Variants in LGALS8 observed in about 807,000 individuals in gnomAD.
LGALS8 encodes the protein galectin-8.
In LGALS8, 30 loss-of-function variants were observed where a neutral mutation model predicts 35.9. The observed-to-expected ratio is 0.83, with a 90% CI of 0.62 to 1.13. The LOEUF (loss-of-function observed/expected upper bound fraction) is 1.13. Among genes scored for constraint, LGALS8 ranks in the 50% most tolerant of loss-of-function variants. LGALS8 has a pLI of 0.00. For missense variants in LGALS8, 366 were observed against 388.7 expected, an observed-to-expected ratio of 0.94 and a Z score of 0.49; for synonymous variants, 138 against 136.1, an observed-to-expected ratio of 1.01 and a Z score of -0.10.
In LGALS8 at chr1:236,550,807, A is replaced by G. The variant is rs576171870; in HGVS notation, c.*2646A>G. 12 of 888,636 alleles carry G rather than the reference A, an allele frequency of 1.4e-5. No individual in the cohort carries two copies. The highest frequency in any genetic ancestry group is 1.9e-5 in the Non-Finnish European group (11 of 569,616). 55.0% of individuals were successfully genotyped at this position (888,636 alleles called of 1,614,324 possible). A position where few individuals can be genotyped will look rare whatever the true frequency, so the allele number is the denominator to read the frequency against. ...GTAAGTAATCCAAGTAGGTGTATTA[A>G]GGCACCAAAAGTAACATGGCACCCA... is the stretch of plus-strand genomic sequence containing the variant. On this transcript the variant is annotated 3_prime_UTR_variant, in exon 10 of 10. Coordinates refer to ENST00000366584, the MANE Select transcript of LGALS8 (RefSeq NM_201544.4).
At chr1:236,531,297 C>T (rs907679162) in intron 2 of LGALS8, among the ~76,000 whole-genome samples, 3 of 151,908 alleles carry the variant, frequency 2.0e-5, no homozygotes, top group Non-Finnish European at 4.4e-5. Flanking sequence ...GGGTATGATC[C>T]ATTTTCTTTA....
At chr1:236,524,280 CG>C (rs201470728) in intron 1 of LGALS8, 8,799 of 456,184 alleles carry the variant, frequency 0.019, 137 homozygotes, top group Middle Eastern at 0.075. Flanking sequence ...CGAGGCGCTC[CG>C]GGGCATAAGG....
chr1:236,548,077 C>G lies in LGALS8; in HGVS notation c.870C>G (p.Tyr290Ter), dbSNP rs1329293630. The G allele has an allele frequency of 1.2e-6, 2 of 1,613,426 alleles. No individual in the cohort carries two copies. The highest frequency in any genetic ancestry group is 1.7e-5 in the Admixed American group (1 of 59,994). ...TAAATGGCGTACACAGCCTGGAGTA[C>G]AAACACAGATTTAAAGAGCTCAGCA... ...VAVNGVHSLE[Y>*]KHRFKELSSI... The change falls in exon 10 of 10, where the codon TAC (tyrosine) becomes TAG (stop). Residue 290 changes from tyrosine to a stop codon, truncating the protein, a stop_gained. Transcript: ENST00000366584. LOFTEE classifies it high-confidence loss of function.
rs1280971844 is a variant in LGALS8, at chr1:236,543,563, C to T, written c.553C>T (p.Leu185=). Residue 185 remains leucine, a synonymous_variant, in exon 8 of 10, where the codon CTG becomes TTG. Coordinates refer to ENST00000366584, the MANE Select transcript of LGALS8 (RefSeq NM_201544.4). The part of the protein sequence containing the change: ...VPKSGTPQLR[L]PFAARLNTPM... ...CCTGACTGTGGCTTCTTTTCAGAGG[C>T]TGCCATTCGCTGCAAGGTTGAACAC... The T allele has an allele frequency of 1.2e-6, 2 of 1,613,462 alleles. No homozygotes were observed. Among genetic ancestry groups the T allele is most frequent in the Non-Finnish European group, 1.7e-6 (2 of 1,179,422 alleles).
At chr1:236,527,919 A>G (rs1049900489) in intron 2 of LGALS8, among the ~76,000 whole-genome samples, 1 of 151,974 alleles carries the variant, frequency 6.6e-6, no homozygotes, top group Non-Finnish European at 1.5e-5. Context: ...TGTTTTTAGT[A>G]GATATGGGGT....
At chr1:236,533,875 C>T (rs1343786478) in intron 2 of LGALS8, among the ~76,000 whole-genome samples, 5 of 143,020 alleles carry the variant, frequency 3.5e-5, no homozygotes, top group Non-Finnish European at 7.8e-5. Context: ...TACTGTGTCT[C>T]TGCTACTCTA....
Position 236,537,548 on chromosome 1 carries a change from A to C in LGALS8, c.97A>C (p.Ile33Leu), listed in dbSNP as rs1231213999. ...IPDQLDPGTLIVIRGHVPSDA... is the reference protein window; with the variant it reads ...IPDQLDPGTLLVIRGHVPSDA... The stretch of plus-strand genomic sequence containing the variant: ...TGATCAGCTGGATCCTGGAACTTTG[A>C]TTGTGATACGTGGGCATGTTCCTAG... The change falls in exon 3 of 10, where the codon ATT becomes CTT. Residue 33 changes from isoleucine to leucine, a missense_variant. Ile to Leu is a conservative substitution (Grantham distance 5). Transcript: ENST00000366584. 5 of 1,607,170 alleles carry C rather than the reference A, an allele frequency of 3.1e-6. No individual in the cohort carries two copies. The highest frequency in any genetic ancestry group is 4.3e-6 in the Non-Finnish European group (5 of 1,173,526).
chr1:236,540,481 A>G, intron 4 of LGALS8, 83 bp from the exon 5 acceptor site: 2 of 1,418,302 alleles, frequency 1.4e-6, no homozygotes, highest in Non-Finnish European at 1.9e-6. Context: ...ACGCAAGGAA[A>G]CATTTAAATT....
intron 2 of LGALS8, among the ~76,000 whole-genome samples, chr1:236,532,786 G>C (rs528350281): frequency 1.3e-5 from 2 of 152,208 alleles, no homozygotes; most frequent in Non-Finnish European, 2.9e-5. Context: ...GGAGATTGCA[G>C]TAAGCCGAGA....
rs3216037 is a variant in LGALS8 at position 236,540,532 on chromosome 1, C to CGGG, written c.346-26_346-24dup. 3.4e-6 allele frequency: 5 copies of CGGG among 1,488,842 alleles called. No individual in the cohort carries two copies. The African/African-American group carries it at 4.4e-5, about 13-fold the overall frequency. The allele number at this position is 1,488,842 out of a possible 1,614,324, so 92.2% of individuals were successfully genotyped here. On this transcript the variant is annotated intron_variant, in intron 4 of 9. Coordinates refer to ENST00000366584, the MANE Select transcript of LGALS8 (RefSeq NM_201544.4). ...TTTATTAACTGTTTTTTTTTGGTGGCGGGGGGGGCTCTGTCTTCTGTATCT... is the reference window on the plus strand; with the variant it reads ...TTTATTAACTGTTTTTTTTTGGTGGCGGGGGGGGGGGCTCTGTCTTCTGTATCT...
intron 6 of LGALS8, 109 bp downstream of exon 6, chr1:236,541,819 G>A (rs975288580): frequency 8.7e-6 from 5 of 572,778 alleles, no homozygotes; most frequent in Non-Finnish European, 1.2e-5. Context: ...CTTTTAGAAC[G>A]CAAGTAATCA....
intron 4 of LGALS8, 184 bp downstream of exon 4, chr1:236,539,273 C>A: frequency 1.7e-6 from 1 of 593,516 alleles, no homozygotes. Context: ...CACCACTACT[C>A]TCCAGCCAGT....
upstream of LGALS8, among the ~76,000 whole-genome samples, chr1:236,520,767 G>T (rs901593398): frequency 4.6e-5 from 7 of 152,254 alleles, no homozygotes; most frequent in African/African-American, 1.7e-4. Flanking sequence ...ACTCTCCTAG[G>T]TGGTGCCATC....
At position 236,552,790 on chromosome 1, in the gene LGALS8, T is replaced by A. The variant is rs1165024231; in HGVS notation, c.*4629T>A. ...TATCTGGACAGTACAAAGTGAATTA[T>A]TAAAAAACCATTTGTAACTACCTAG... On this transcript the variant is annotated 3_prime_UTR_variant, in exon 10 of 10. Coordinates refer to ENST00000366584, the MANE Select transcript of LGALS8 (RefSeq NM_201544.4). 1 of 152,224 alleles carries A rather than the reference T, an allele frequency of 6.6e-6. No individual in the cohort carries two copies. Among genetic ancestry groups the A allele is most frequent in the Non-Finnish European group, 1.5e-5 (1 of 68,042 alleles). 9.4% of individuals were successfully genotyped at this position (152,224 alleles called of 1,614,324 possible). A position where few individuals can be genotyped will look rare whatever the true frequency, so the allele number is the denominator to read the frequency against.
At chr1:236,524,805 CAG>C (rs1039483124) in intron 1 of LGALS8, 11 of 200,298 alleles carry the variant, frequency 5.5e-5, no homozygotes, top group Non-Finnish European at 8.5e-5. Flanking sequence ...GTCACGGAGC[CAG>C]AGTTTTGAGG....
rs1660793451 is a variant in LGALS8, at chr1:236,525,965, C to G, written c.-103-3C>G. The G allele has an allele frequency of 2.7e-6, 2 of 727,636 alleles. No homozygotes were observed. The highest frequency in any genetic ancestry group is 2.4e-6 in the Non-Finnish European group (1 of 424,088). The allele number at this position is 727,636 out of a possible 1,614,324, so 45.1% of individuals were successfully genotyped here. The stretch of plus-strand genomic sequence containing the variant: ...TCTTTTCCTCTATTTTTACTTTACA[C>G]AGGGCCAGTGCCTCAGTTTCAATCC... On this transcript the variant is annotated splice_polypyrimidine_tract_variant and splice_region_variant and intron_variant, in intron 1 of 9. Coordinates refer to ENST00000366584, the MANE Select transcript of LGALS8 (RefSeq NM_201544.4).
intron 4 of LGALS8, chr1:236,539,978 A>AG (rs35867648): frequency 0.61 from 92,384 of 151,194 alleles, 29,081 homozygotes; most frequent in Non-Finnish European, 0.69. Flanking sequence ...AGAGGGAGGG[A>AG]GGAGGAGCCT....
At position 236,551,763 on chromosome 1, in the gene LGALS8, T is replaced by C; in HGVS notation, c.*3602T>C. On this transcript the variant is annotated 3_prime_UTR_variant, in exon 10 of 10. Coordinates refer to ENST00000366584, the MANE Select transcript of LGALS8 (RefSeq NM_201544.4). ...AAAGAAAAGATCGTGAAGATTACAC[T>C]GTAAACGGACTCTCAAATGATCAGG... The C allele has an allele frequency of 2.2e-6, 1 of 452,764 alleles. No individual in the cohort carries two copies. Among genetic ancestry groups the C allele is most frequent in the South Asian group, 3.2e-5 (1 of 30,948 alleles). 28.0% of individuals were successfully genotyped at this position (452,764 alleles called of 1,614,324 possible).
chr1:236,537,432 G>T, intron 2 of LGALS8, 65 bp from the exon 3 acceptor site: 1 of 943,694 alleles, frequency 1.1e-6, no homozygotes. Context: ...ATGAGTGTGG[G>T]TTGTAATTGC....
Sources: allele counts gnomAD v4.1 joint callset (sites outside exome capture counted in the v4.1 genomes callset), GRCh38; gene constraint gnomAD v4.1.1; transcripts MANE v1.5; gene names NCBI Gene and HGNC (gene_info 2026-07-23, HGNC 2026-07-21).